Variants in CNBD1 observed in about 807,000 individuals in gnomAD.
The protein encoded by CNBD1 is cyclic nucleotide-binding domain-containing protein 1.
In CNBD1, 71 loss-of-function variants were observed where a neutral mutation model predicts 54.4. That is an observed-to-expected ratio of 1.30 (90% CI 1.08 to 1.59). The LOEUF is 1.59. Among genes scored for constraint, CNBD1 ranks in the 40% most tolerant of loss-of-function variants. CNBD1 has a pLI of 0.00. For synonymous variants in CNBD1, 182 were observed against 170.7 expected, an observed-to-expected ratio of 1.07 and a Z score of -0.51; for missense variants, 659 against 518.0, an observed-to-expected ratio of 1.27 and a Z score of -2.64.
chr8:87,418,694 C>A (rs1030378229), intron 2 of CNBD1, among the ~76,000 whole-genome samples: 5 of 151,658 alleles, frequency 3.3e-5, no homozygotes, highest in African/African-American at 9.7e-5. Flanking sequence ...TAAAAATAGA[C>A]AAATGATTTA....
At chr8:87,373,946 A>C (rs953070017) in intron 10 of CNBD1, among the ~76,000 whole-genome samples, 14 of 151,758 alleles carry the variant, frequency 9.2e-5, no homozygotes, top group Admixed American at 8.6e-4. Context: ...AATATTGCTT[A>C]ATTGTTAGAA....
intron 8 of CNBD1, among the ~76,000 whole-genome samples, chr8:87,289,482 C>T (rs185816883): frequency 6.6e-6 from 1 of 152,172 alleles, no homozygotes; most frequent in Non-Finnish European, 1.5e-5. Context: ...TCAACCTGTT[C>T]CCATGTGTAT....
At chr8:87,087,660 G>A (rs1030977162) in intron 4 of CNBD1, among the ~76,000 whole-genome samples, 4 of 151,868 alleles carry the variant, frequency 2.6e-5, no homozygotes, top group African/African-American at 9.7e-5. Context: ...TAGAGACGGG[G>A]TTTCACCGTG....
At chr8:87,063,492 G>A (rs1464326588) in intron 4 of CNBD1, among the ~76,000 whole-genome samples, 1 of 152,032 alleles carries the variant, frequency 6.6e-6, no homozygotes, top group Non-Finnish European at 1.5e-5. Flanking sequence ...TAGTTGTGTA[G>A]TTTTATGCTG....
intron 8 of CNBD1, among the ~76,000 whole-genome samples, chr8:87,334,190 T>G (rs1809894366): frequency 6.6e-6 from 1 of 152,216 alleles, no homozygotes; most frequent in South Asian, 2.1e-4. Context: ...TACCATTCTC[T>G]GATGGTAGCT....
downstream of CNBD1, among the ~76,000 whole-genome samples, chr8:87,383,943 T>G (rs1811137435): frequency 6.6e-6 from 1 of 152,138 alleles, no homozygotes; most frequent in Non-Finnish European, 1.5e-5. Flanking sequence ...TTTTAGATCA[T>G]GGCTATCTAA....
At chr8:86,954,628 C>A (rs1424120864) in intron 4 of CNBD1, among the ~76,000 whole-genome samples, 2 of 152,300 alleles carry the variant, frequency 1.3e-5, no homozygotes, top group African/African-American at 4.8e-5. Flanking sequence ...TCCTTACACA[C>A]TTTGTATGTA....
intron 10 of CNBD1, among the ~76,000 whole-genome samples, chr8:87,364,796 T>A (rs1359858947): frequency 6.6e-6 from 1 of 152,094 alleles, no homozygotes; most frequent in Non-Finnish European, 1.5e-5. Context: ...CCCAGTTCCA[T>A]CCACATTCCT....
chr8:87,028,454 A>T (rs1326624878), intron 4 of CNBD1, among the ~76,000 whole-genome samples: 2 of 152,220 alleles, frequency 1.3e-5, no homozygotes, highest in Non-Finnish European at 2.9e-5. Context: ...CCAGGAGTTC[A>T]ATCTAGGTCC....
intron 4 of CNBD1, among the ~76,000 whole-genome samples, chr8:87,018,194 G>C (rs929789128): frequency 3.9e-5 from 6 of 152,226 alleles, no homozygotes; most frequent in African/African-American, 1.4e-4. Flanking sequence ...GGTGAGCCAA[G>C]ATTGTGCCAT....
chr8:87,034,815 G>A lies in CNBD1; in HGVS notation c.431+95061G>A, dbSNP rs527427793. 9.7e-4 allele frequency among the ~76,000 whole-genome samples: 147 copies of A among 152,084 alleles called. 1 individual carries two copies. Among genetic ancestry groups the A allele is most frequent in the Non-Finnish European group, 1.8e-3 (120 of 67,974 alleles). On this transcript the variant is annotated intron_variant, in intron 4 of 10. Coordinates refer to ENST00000518476, the MANE Select transcript of CNBD1 (RefSeq NM_173538.3). ...TGTTTTTTAAAACTCATGTACAAGTGGACCTGTACAGTTCAAATTCATGTT... is the reference window on the plus strand; with the variant it reads ...TGTTTTTTAAAACTCATGTACAAGTAGACCTGTACAGTTCAAATTCATGTT...
intron 8 of CNBD1, among the ~76,000 whole-genome samples, chr8:87,325,880 T>C (rs1809657274): frequency 7.1e-6 from 1 of 141,796 alleles, no homozygotes; most frequent in Admixed American, 7.1e-5. Context: ...CGTTAGTTGA[T>C]GCAGTTTCTT....
At chr8:87,079,450 C>A (rs1041636526) in intron 4 of CNBD1, among the ~76,000 whole-genome samples, 1 of 152,044 alleles carries the variant, frequency 6.6e-6, no homozygotes, top group African/African-American at 2.4e-5. Flanking sequence ...ATATGAGAGT[C>A]TCAGTTACCT....
intron 4 of CNBD1, among the ~76,000 whole-genome samples, chr8:87,035,072 C>CT (rs1039898649): frequency 3.9e-5 from 6 of 151,990 alleles, no homozygotes; most frequent in Admixed American, 3.3e-4. Flanking sequence ...CCAAATGTTC[C>CT]TTTTTTATAA....
chr8:87,196,504 A>G (rs1457192629), intron 4 of CNBD1, among the ~76,000 whole-genome samples: 1 of 152,214 alleles, frequency 6.6e-6, no homozygotes, highest in Non-Finnish European at 1.5e-5. Flanking sequence ...TAAAGTAGTC[A>G]AAGTCTCTTC....
intron 4 of CNBD1, among the ~76,000 whole-genome samples, chr8:86,954,961 C>T (rs976113333): frequency 2.0e-5 from 3 of 151,374 alleles, no homozygotes; most frequent in Non-Finnish European, 4.4e-5. Flanking sequence ...TTAGGTATAT[C>T]TCCTAATGCA....
intron 1 of CNBD1, among the ~76,000 whole-genome samples, chr8:86,878,602 T>C (rs763609152): frequency 1.3e-5 from 2 of 152,036 alleles, no homozygotes; most frequent in Admixed American, 6.6e-5. Context: ...ATGAGTGTTA[T>C]GTGGAACCGT....
intron 4 of CNBD1, among the ~76,000 whole-genome samples, chr8:86,983,944 T>G (rs1035186863): frequency 2.6e-5 from 4 of 152,164 alleles, no homozygotes; most frequent in African/African-American, 9.6e-5. Flanking sequence ...AGGTTTAGCA[T>G]TTGTTCATCA....
intron 4 of CNBD1, among the ~76,000 whole-genome samples, chr8:87,063,973 C>T (rs914619823): frequency 6.6e-6 from 1 of 151,912 alleles, no homozygotes; most frequent in African/African-American, 2.4e-5. Context: ...TTGCTAAACT[C>T]ACTTGTTAAA....
Sources: gnomAD v4.1 joint callset for allele counts (sites outside exome capture counted in the v4.1 genomes callset) on GRCh38, gnomAD v4.1.1 for gene constraint, MANE v1.5 for transcripts, NCBI Gene and HGNC (gene_info 2026-07-23, HGNC 2026-07-21) for gene names.